The following DPP8 variants were observed in gnomAD, a reference collection of about 807,000 sequenced individuals.
DPP8 encodes the protein DPP VIII.
DPP8 carries 31 observed loss-of-function variants against 107.5 expected under a neutral mutation model. That is an observed-to-expected ratio of 0.29 (90% CI 0.22 to 0.39). The LOEUF is 0.39. Among genes scored for constraint, DPP8 ranks in the 10% least tolerant of loss-of-function variants. DPP8 has a pLI of 1.00. For missense variants in DPP8, 842 were observed against 1,076.1 expected (o/e 0.78, Z 3.04); for synonymous variants, 381 against 356.6 (o/e 1.07, Z -0.77).
rs73480782 is a variant in DPP8 at position 65,505,183 on chromosome 15, G to A, written c.372+2060C>T. Among the ~76,000 whole-genome samples the A allele has an allele frequency of 7.8e-3, 1,179 of 151,668 alleles. 21 individuals are homozygous for A. Among genetic ancestry groups the A allele is most frequent in the African/African-American group, 0.028 (1,141 of 41,326 alleles). On this transcript the variant is annotated intron_variant, in intron 3 of 19. Coordinates refer to ENST00000300141, the MANE Select transcript of DPP8 (RefSeq NM_130434.5). ...ATCCTGCCTAACACAGTGAAACCCC[G>A]TCCGTACTAAAAATGCAAAAAATTA...
intron 17 of DPP8, among the ~76,000 whole-genome samples, chr15:65,452,315 T>G (rs988902096): frequency 1.3e-5 from 2 of 152,184 alleles, no homozygotes; most frequent in Non-Finnish European, 2.9e-5. Context: ...TCCATGGGCA[T>G]TCTACATACC....
chr15:65,482,224 T>C (rs978145207), intron 8 of DPP8, among the ~76,000 whole-genome samples: 1 of 151,904 alleles, frequency 6.6e-6, no homozygotes, highest in African/African-American at 2.4e-5. Context: ...AATTTTTAAA[T>C]TTTTTGTAGA....
intron 1 of DPP8, among the ~76,000 whole-genome samples, chr15:65,514,343 A>G (rs775927700): frequency 1.1e-3 from 163 of 152,308 alleles, no homozygotes; most frequent in Middle Eastern, 6.8e-3. Context: ...TTGGCAGGGA[A>G]TTAAGTCATT....
intron 11 of DPP8, chr15:65,475,398 G>A: frequency 1.3e-6 from 2 of 1,557,212 alleles, no homozygotes; most frequent in Admixed American, 1.7e-5. Flanking sequence ...GCCACTGTGA[G>A]GGGTACAGCT....
At chr15:65,501,929 G>T (rs2069283451) in intron 3 of DPP8, among the ~76,000 whole-genome samples, 1 of 152,072 alleles carries the variant, frequency 6.6e-6, no homozygotes, top group Non-Finnish European at 1.5e-5. Flanking sequence ...TCACTCTGTT[G>T]CCCAGGCTGG....
chr15:65,468,097 A>G (rs1472800789), intron 12 of DPP8, among the ~76,000 whole-genome samples: 1 of 152,220 alleles, frequency 6.6e-6, no homozygotes, highest in Non-Finnish European at 1.5e-5. Context: ...AGTAAATTCA[A>G]TAGCTGAATT....
chr15:65,459,752 C>T (rs192037978), intron 15 of DPP8, among the ~76,000 whole-genome samples: 2 of 152,088 alleles, frequency 1.3e-5, no homozygotes, highest in Admixed American at 1.3e-4. Context: ...GTCAGGAGTT[C>T]GAGACCATCT....
rs1028706978 is a variant in DPP8 at position 65,451,878 on chromosome 15, T to C, written c.2414+82A>G. 26 of 1,370,330 alleles carry C rather than the reference T, an allele frequency of 1.9e-5. No individual in the cohort carries two copies. In the East Asian group the frequency reaches 6.0e-4, roughly 31 times the overall value. 84.9% of individuals were successfully genotyped at this position (1,370,330 alleles called of 1,614,324 possible). ...AGTTTGACGCTGCAGGGAGCCCTGA[T>C]CATGCCACTACACTCCAGCCTAAGT... is the stretch of plus-strand genomic sequence containing the variant. On this transcript the variant is annotated intron_variant, in intron 18 of 19. Coordinates refer to ENST00000300141, the MANE Select transcript of DPP8 (RefSeq NM_130434.5).
At chr15:65,474,788 G>A (rs1595946296) in intron 11 of DPP8, among the ~76,000 whole-genome samples, 1 of 152,124 alleles carries the variant, frequency 6.6e-6, no homozygotes, top group Admixed American at 6.6e-5. Context: ...TTAACTTAAC[G>A]TTTTATGAAT....
At chr15:65,476,997 CACAGAG>C (rs1313604599) in intron 11 of DPP8, among the ~76,000 whole-genome samples, 4 of 152,048 alleles carry the variant, frequency 2.6e-5, no homozygotes, top group South Asian at 2.1e-4. Flanking sequence ...TAGTTACATT[CACAGAG>C]ACAAAGTGGC....
intron 1 of DPP8, among the ~76,000 whole-genome samples, chr15:65,513,864 A>G (rs1055184886): frequency 3.9e-5 from 6 of 152,212 alleles, no homozygotes; most frequent in African/African-American, 1.4e-4. Context: ...ATTCCAACAT[A>G]TATTATTCAT....
intron 9 of DPP8, among the ~76,000 whole-genome samples, chr15:65,480,923 T>C (rs1452275006): frequency 3.3e-5 from 5 of 151,998 alleles, no homozygotes; most frequent in South Asian, 2.1e-4. Flanking sequence ...CAGTGAGACC[T>C]TGTCTCTACA....
At chr15:65,499,071 G>C (rs998831924) in intron 4 of DPP8, among the ~76,000 whole-genome samples, 2 of 18,222 alleles carry the variant, frequency 1.1e-4, no homozygotes. Flanking sequence ...CAAAAAAAAA[G>C]TGTGTGTGTG....
At chr15:65,453,828 C>A (rs1183927340) in intron 17 of DPP8, among the ~76,000 whole-genome samples, 1 of 151,664 alleles carries the variant, frequency 6.6e-6, no homozygotes, top group African/African-American at 2.4e-5. Flanking sequence ...CAACTCTGGG[C>A]CAGGCGCAGT....
chr15:65,462,726 C>T (rs1159182721), intron 15 of DPP8, among the ~76,000 whole-genome samples: 1 of 152,036 alleles, frequency 6.6e-6, no homozygotes, highest in Admixed American at 6.6e-5. Flanking sequence ...ATTTTAGGCA[C>T]GCACTACCAC....
chr15:65,481,306 AC>A (rs2066907661), intron 9 of DPP8, among the ~76,000 whole-genome samples: 1 of 152,354 alleles, frequency 6.6e-6, no homozygotes, highest in Non-Finnish European at 1.5e-5. Flanking sequence ...GAGTATAAAG[AC>A]AGAATTCAAC....
chr15:65,511,912 G>A (rs776572168), intron 2 of DPP8: 6 of 316,076 alleles, frequency 1.9e-5, no homozygotes, highest in Non-Finnish European at 2.5e-5. Context: ...ATGGATTCAG[G>A]AAGAAGAGAC....
intron 12 of DPP8, among the ~76,000 whole-genome samples, chr15:65,469,007 C>T (rs2065612655): frequency 6.6e-6 from 1 of 152,100 alleles, no homozygotes; most frequent in Non-Finnish European, 1.5e-5. Flanking sequence ...CCGAGTTTCG[C>T]TCTCGTTGCC....
chr15:65,502,545 G>A (rs1399258181), intron 3 of DPP8, among the ~76,000 whole-genome samples: 1 of 151,994 alleles, frequency 6.6e-6, no homozygotes, highest in African/African-American at 2.4e-5. Flanking sequence ...GAGCATGCTG[G>A]TGCGCATCTG....
Sources: allele counts gnomAD v4.1 joint callset (sites outside exome capture counted in the v4.1 genomes callset), GRCh38; gene constraint gnomAD v4.1.1; transcripts MANE v1.5; gene names NCBI Gene and HGNC (gene_info 2026-07-23, HGNC 2026-07-21).